KIRREL3: variants seen among roughly 807,000 people sequenced by gnomAD.
KIRREL3 encodes the protein kirre like nephrin family adhesion molecule 3, also known as kin of IRRE-like protein 3.
KIRREL3 carries 36 observed loss-of-function variants against 89.7 expected under a neutral mutation model. The ratio of observed to expected loss-of-function variants is 0.40; its 90% CI spans 0.31 to 0.53. KIRREL3 has a LOEUF of 0.53. KIRREL3 is among the 20% of genes least tolerant of loss of function. The pLI is 0.49. For missense variants in KIRREL3, 864 were observed against 1,056.6 expected (o/e 0.82, Z 2.53); for synonymous variants, 445 against 441.4 (o/e 1.01, Z -0.10).
intron 1 of KIRREL3, among the ~76,000 whole-genome samples, chr11:126,580,932 A>C (rs1306299890): frequency 1.3e-5 from 2 of 150,824 alleles, no homozygotes; most frequent in Non-Finnish European, 2.9e-5. Context: ...TGTGCTTCAT[A>C]AAGAAATGAC....
In KIRREL3 at chr11:126,796,943, C is replaced by T. The variant is rs1950831093; in HGVS notation, c.55+203512G>A. ...GCCTGATTGGGGTTGTGAGCTAGCA[C>T]AGAGCAGGAAGTGGGGAAGGGACCA... is the stretch of plus-strand genomic sequence containing the variant. On this transcript the variant is annotated intron_variant, in intron 1 of 16. Transcript: ENST00000525144. This position sits in a 1 kb window ranked among gnomAD's most constrained non-coding sequence, Gnocchi z 5.1. 6.6e-6 allele frequency among the ~76,000 whole-genome samples: 1 copy of T among 152,128 alleles called. No homozygotes were observed. Among genetic ancestry groups the T allele is most frequent in the Non-Finnish European group, 1.5e-5 (1 of 68,040 alleles).
At chr11:126,777,595 C>A (rs1950205294) in intron 1 of KIRREL3, among the ~76,000 whole-genome samples, 1 of 152,172 alleles carries the variant, frequency 6.6e-6, no homozygotes, top group Non-Finnish European at 1.5e-5. Flanking sequence ...TTAGACAAGA[C>A]AAGAATGATT....
Position 126,890,158 on chromosome 11 carries a change from G to T in KIRREL3, c.55+110297C>A, listed in dbSNP as rs983795237. Among the ~76,000 whole-genome samples the T allele has an allele frequency of 6.6e-6, 1 of 152,148 alleles. No homozygotes were observed. The highest frequency in any genetic ancestry group is 1.5e-5 in the Non-Finnish European group (1 of 68,024). On this transcript the variant is annotated intron_variant, in intron 1 of 16. Coordinates refer to ENST00000525144, the MANE Select transcript of KIRREL3 (RefSeq NM_032531.4). The surrounding 1 kb of genome is among the most constrained non-coding windows in gnomAD (Gnocchi z 5.1). ...GAGTTAAAATGAAGATAAAATTATT[G>T]GGGAGGTGGGGATAGAGCTGAGGGG...
intron 4 of KIRREL3, among the ~76,000 whole-genome samples, chr11:126,504,891 T>C (rs946050200): frequency 7.9e-5 from 12 of 152,136 alleles, no homozygotes; most frequent in African/African-American, 2.9e-4. Context: ...ATTAATAGAG[T>C]AATAAATAAA....
In KIRREL3 at chr11:126,764,839, G is replaced by A. The variant is rs924813874; in HGVS notation, c.56-201927C>T. 6.6e-6 allele frequency among the ~76,000 whole-genome samples: 1 copy of A among 152,136 alleles called. No homozygotes were observed. The highest frequency in any genetic ancestry group is 1.5e-5 in the Non-Finnish European group (1 of 68,026). ...GAACTCAGAGGGGCAGCTCTCCTTT[G>A]GACTAGGCCTTTGGCAGGAGTCCTC... is the stretch of plus-strand genomic sequence containing the variant. On this transcript the variant is annotated intron_variant, in intron 1 of 16. Transcript: ENST00000525144. The surrounding 1 kb of genome is among the most constrained non-coding windows in gnomAD (Gnocchi z 4.2).
chr11:126,454,279 G>T lies in KIRREL3; in HGVS notation c.848+2070C>A, dbSNP rs1166200419. Among the ~76,000 whole-genome samples the T allele has an allele frequency of 6.6e-6, 1 of 152,140 alleles. No homozygotes were observed. Among genetic ancestry groups the T allele is most frequent in the Non-Finnish European group, 1.5e-5 (1 of 68,022 alleles). ...TCCGGGTCAGTAGGCAGGTGTGGGT[G>T]GGGGAGGCAGGCCTGGGGGTGGAGG... On this transcript the variant is annotated intron_variant, in intron 7 of 16. Transcript: ENST00000525144. This position sits in a 1 kb window ranked among gnomAD's most constrained non-coding sequence, Gnocchi z 5.8.
intron 1 of KIRREL3, among the ~76,000 whole-genome samples, chr11:126,859,031 T>C (rs1284380031): frequency 6.6e-6 from 1 of 152,212 alleles, no homozygotes; most frequent in Non-Finnish European, 1.5e-5. Context: ...TCCCACAAAT[T>C]GACTTCATGT....
At chr11:126,858,124 G>A (rs1453655106) in intron 1 of KIRREL3, among the ~76,000 whole-genome samples, 1 of 152,162 alleles carries the variant, frequency 6.6e-6, no homozygotes, top group Non-Finnish European at 1.5e-5. Context: ...GGCTCATGCT[G>A]GGAAGCAATT....
chr11:126,567,027 G>T (rs605162), intron 1 of KIRREL3, among the ~76,000 whole-genome samples: 64,437 of 152,012 alleles, frequency 0.42, 14,228 homozygotes, highest in African/African-American at 0.53. Flanking sequence ...CAGAGCTGCA[G>T]ATGCTGCAAA....
Position 126,708,922 on chromosome 11 carries a change from A to G in KIRREL3, c.56-146010T>C, listed in dbSNP as rs1329590480. On this transcript the variant is annotated intron_variant, in intron 1 of 16. Transcript: ENST00000525144. This position sits in a 1 kb window ranked among gnomAD's most constrained non-coding sequence, Gnocchi z 5.7. ...CATTAAACTCAGTGTTTCTTCCTTCAGGCTGTTTCTTGAATTGGTTTCTTC... is the reference window on the plus strand; with the variant it reads ...CATTAAACTCAGTGTTTCTTCCTTCGGGCTGTTTCTTGAATTGGTTTCTTC... Among the ~76,000 whole-genome samples, 1 of 152,046 alleles carries G rather than the reference A, an allele frequency of 6.6e-6. No individual in the cohort carries two copies. Among genetic ancestry groups the G allele is most frequent in the Non-Finnish European group, 1.5e-5 (1 of 68,004 alleles).
intron 1 of KIRREL3, among the ~76,000 whole-genome samples, chr11:126,880,636 G>GT (rs1435613357): frequency 1.5e-4 from 19 of 124,160 alleles, no homozygotes; most frequent in Non-Finnish European, 1.1e-4. Flanking sequence ...CAAAAGTTGT[G>GT]GTTTTTTTTT....
At chr11:126,886,338 T>C (rs960387361) in intron 1 of KIRREL3, among the ~76,000 whole-genome samples, 1 of 152,198 alleles carries the variant, frequency 6.6e-6, no homozygotes. Flanking sequence ...GAGGGCTAAG[T>C]GCATGGATAT....
At chr11:126,799,738 C>T (rs1267086378) in intron 1 of KIRREL3, among the ~76,000 whole-genome samples, 1 of 152,038 alleles carries the variant, frequency 6.6e-6, no homozygotes, top group Non-Finnish European at 1.5e-5. Context: ...CCCTGGAAAC[C>T]CCTCTGCCCC....
In KIRREL3 at chr11:126,441,815, C is replaced by T. The variant is rs796450673; in HGVS notation, c.1253-1266G>A. Among the ~76,000 whole-genome samples the T allele has an allele frequency of 1.3e-5, 2 of 152,200 alleles. No homozygotes were observed. The highest frequency in any genetic ancestry group is 4.8e-5 in the African/African-American group (2 of 41,526). ...AGGGCTCGGGGCAGCGTGAGGTGGG[C>T]GTGGGGGACCCTCCATGGCTTTAAG... On this transcript the variant is annotated intron_variant, in intron 10 of 16. Transcript: ENST00000525144. This position sits in a 1 kb window ranked among gnomAD's most constrained non-coding sequence, Gnocchi z 5.0.
At chr11:126,865,596 C>T (rs1944892591) in intron 1 of KIRREL3, among the ~76,000 whole-genome samples, 1 of 152,236 alleles carries the variant, frequency 6.6e-6, no homozygotes, top group Non-Finnish European at 1.5e-5. Context: ...CAGTGGACAT[C>T]CTGATGCTCA....
Position 126,486,233 on chromosome 11 carries a change from C to T in KIRREL3, c.434-12767G>A, listed in dbSNP as rs986513376. 4.6e-5 allele frequency among the ~76,000 whole-genome samples: 7 copies of T among 152,100 alleles called. No individual in the cohort carries two copies. The highest frequency in any genetic ancestry group is 1.2e-4 in the African/African-American group (5 of 41,402). Reference sequence around the variant, plus strand: ...ATGACAGAGGGTGCTACGTGGCCGCCGTCTGCACAGCAAGGGTGAGAGGGC... The same window carrying T: ...ATGACAGAGGGTGCTACGTGGCCGCTGTCTGCACAGCAAGGGTGAGAGGGC... On this transcript the variant is annotated intron_variant, in intron 4 of 16. Coordinates refer to ENST00000525144, the MANE Select transcript of KIRREL3 (RefSeq NM_032531.4). This position sits in a 1 kb window ranked among gnomAD's most constrained non-coding sequence, Gnocchi z 6.2.
intron 1 of KIRREL3, among the ~76,000 whole-genome samples, chr11:126,863,891 G>C (rs1215206014): frequency 6.6e-6 from 1 of 152,190 alleles, no homozygotes; most frequent in East Asian, 1.9e-4. Flanking sequence ...TGCAGGTCTT[G>C]CCTGGCTGCC....
rs554803190 is a variant in KIRREL3, at chr11:126,917,676, T to C, written c.55+82779A>G. ...CCACTCATACTAGAAACCATATATG[T>C]ATACCACATACTAGAAACCATATAC... On this transcript the variant is annotated intron_variant, in intron 1 of 16. Coordinates refer to ENST00000525144, the MANE Select transcript of KIRREL3 (RefSeq NM_032531.4). This position sits in a 1 kb window ranked among gnomAD's most constrained non-coding sequence, Gnocchi z 5.0. Among the ~76,000 whole-genome samples the C allele has an allele frequency of 1.7e-4, 26 of 152,268 alleles. No homozygotes were observed. The East Asian group carries it at 4.6e-3, about 27-fold the overall frequency.
chr11:126,826,345 C>T (rs1055828711), intron 1 of KIRREL3, among the ~76,000 whole-genome samples: 14 of 152,206 alleles, frequency 9.2e-5, no homozygotes, highest in African/African-American at 3.1e-4. Context: ...TTACTAGTCA[C>T]AGATGTAAAA....
Sources: allele counts gnomAD v4.1 joint callset (sites outside exome capture counted in the v4.1 genomes callset), GRCh38; gene constraint gnomAD v4.1.1; non-coding constraint Gnocchi (gnomAD v3.1); transcripts MANE v1.5; gene names NCBI Gene and HGNC (gene_info 2026-07-23, HGNC 2026-07-21).